TTC38: variants seen among roughly 807,000 people sequenced by gnomAD.
TTC38 encodes the protein tetratricopeptide repeat protein 38.
In TTC38, 64 loss-of-function variants were observed where a neutral mutation model predicts 64.2. The observed-to-expected ratio is 1.00, with a 90% CI of 0.81 to 1.23. The LOEUF (loss-of-function observed/expected upper bound fraction) is 1.23, where lower values mean the gene tolerates loss of function less well. TTC38 is among the 50% of genes most tolerant of loss of function. The pLI, the probability that TTC38 is intolerant of heterozygous loss-of-function variation, is 0.00. For missense variants in TTC38, 573 were observed against 615.5 expected, an observed-to-expected ratio of 0.93 and a Z score of 0.73; for synonymous variants, 254 against 249.3, an observed-to-expected ratio of 1.02 and a Z score of -0.18.
chr22:46,282,345 G>A lies in TTC38; in HGVS notation c.735+627G>A, dbSNP rs2077541273. ...CCCTCTTTCCAGGGGAGGCAAGGTG[G>A]TGTCCAGGCAGAGGCAGAAACGCCT... On this transcript the variant is annotated intron_variant, in intron 7 of 13. Coordinates refer to ENST00000381031, the MANE Select transcript of TTC38 (RefSeq NM_017931.4). This position sits in a 1 kb window ranked among gnomAD's most constrained non-coding sequence, Gnocchi z 4.4. 6.6e-6 allele frequency among the ~76,000 whole-genome samples: 1 copy of A among 152,184 alleles called. No homozygotes were observed. The highest frequency in any genetic ancestry group is 1.5e-5 in the Non-Finnish European group (1 of 68,038).
intron 6 of TTC38, among the ~76,000 whole-genome samples, 196 bp downstream of exon 6, chr22:46,278,857 C>T (rs569334955): frequency 6.6e-6 from 1 of 152,328 alleles, no homozygotes; most frequent in African/African-American, 2.4e-5. Context: ...TGTGGCCCCC[C>T]CAAAGTCCCC....
rs1480461244 is a variant in TTC38, at chr22:46,289,474, G to A, written c.1155G>A (p.Glu385=). ...TGCCCCTGTGCCAGGCCCTGGTGGA[G>A]GCTGAGGACGGGAACCCTGACCGCG... ...VGLPLCQALV[E]AEDGNPDRVL... The change falls in exon 12 of 14, where the codon GAG becomes GAA. Residue 385 remains glutamate, a synonymous_variant. Coordinates refer to ENST00000381031, the MANE Select transcript of TTC38 (RefSeq NM_017931.4). 6.2e-7 allele frequency: 1 copy of A among 1,609,300 alleles called. No individual in the cohort carries two copies. Among genetic ancestry groups the A allele is most frequent in the East Asian group, 2.2e-5 (1 of 44,860 alleles).
intron 6 of TTC38, among the ~76,000 whole-genome samples, chr22:46,279,745 G>A (rs767837505): frequency 2.6e-5 from 4 of 152,172 alleles, no homozygotes; most frequent in Non-Finnish European, 2.9e-5. Context: ...TGGGGGACCC[G>A]AGTGGCTTTC....
chr22:46,275,526 C>A lies in TTC38; in HGVS notation c.539+105C>A. ...CCCTGTCCTAAAAATAATGGGACCA[C>A]TGTTGCTATTCTCCTAGTTCCTTAA... is the stretch of plus-strand genomic sequence containing the variant. On this transcript the variant is annotated intron_variant, in intron 5 of 13. Transcript: ENST00000381031. This position sits in a 1 kb window ranked among gnomAD's most constrained non-coding sequence, Gnocchi z 4.5. 8.6e-7 allele frequency: 1 copy of A among 1,158,736 alleles called. No individual in the cohort carries two copies. The highest frequency in any genetic ancestry group is 1.2e-6 in the Non-Finnish European group (1 of 818,852). 71.8% of individuals were successfully genotyped at this position (1,158,736 alleles called of 1,614,324 possible).
At position 46,292,668 on chromosome 22, in the gene TTC38, C is replaced by T; in HGVS notation, c.1317-123C>T. 1.2e-6 allele frequency: 1 copy of T among 866,932 alleles called. No individual in the cohort carries two copies. The highest frequency in any genetic ancestry group is 1.9e-5 in the Admixed American group (1 of 52,834). The allele number at this position is 866,932 out of a possible 1,614,324, so 53.7% of individuals were successfully genotyped here. On this transcript the variant is annotated intron_variant, in intron 13 of 13. Transcript: ENST00000381031. This position sits in a 1 kb window ranked among gnomAD's most constrained non-coding sequence, Gnocchi z 6.5. ...AGGCCTCCTGCCCCTGGGCCTTGGC[C>T]CTTGCTGTTCCCTCAGTGCCGCAGT...
chr22:46,269,216 C>T (rs1459146680), intron 2 of TTC38: 1 of 339,164 alleles, frequency 2.9e-6, no homozygotes, highest in Admixed American at 4.3e-5. Flanking sequence ...CCCGGGCCTC[C>T]CATTGTGGCC....
At chr22:46,283,928 G>A (rs1415130489) in intron 7 of TTC38, 45 bp from the exon 8 acceptor site, 9 of 1,366,242 alleles carry the variant, frequency 6.6e-6, no homozygotes, top group Non-Finnish European at 6.0e-6. Flanking sequence ...TTTTCCCATA[G>A]GCCTTCAGAC....
Position 46,273,808 on chromosome 22 carries a change from G to T in TTC38, c.194-90G>T, listed in dbSNP as rs534207149. On this transcript the variant is annotated intron_variant, in intron 3 of 13. Transcript: ENST00000381031. This position sits in a 1 kb window ranked among gnomAD's most constrained non-coding sequence, Gnocchi z 5.1. ...CTGCCTGGCTGGCCCCTCCTGGGAC[G>T]TGGGGTGTCTCTGTGACATGTGGAG... is the stretch of plus-strand genomic sequence containing the variant. 1 of 1,376,482 alleles carries T rather than the reference G, an allele frequency of 7.3e-7. No individual in the cohort carries two copies. Among genetic ancestry groups the T allele is most frequent in the South Asian group, 1.3e-5 (1 of 77,842 alleles). 85.3% of individuals were successfully genotyped at this position (1,376,482 alleles called of 1,614,324 possible).
At chr22:46,289,769 G>C (rs1601886452) in intron 12 of TTC38, 57 bp from the exon 13 acceptor site, 1 of 1,590,628 alleles carries the variant, frequency 6.3e-7, no homozygotes. Flanking sequence ...GGTGGGCGGG[G>C]GCTCGCCTCC....
In TTC38 at chr22:46,285,243, C is replaced by A. The variant is rs749513954; in HGVS notation, c.798C>A (p.Gly266=). Residue 266 remains glycine, a splice_region_variant and synonymous_variant, in exon 9 of 14, where the codon GGC becomes GGA. Transcript: ENST00000381031. The part of the protein sequence containing the change: ...WHWALYLIEK[G]EYEAALTIYD... ...TAAGGAGAACTTTATTCTTCCAGGG[C>A]GAATATGAGGCCGCGCTGACCATCT... 19 of 1,613,940 alleles carry A rather than the reference C, an allele frequency of 1.2e-5. No individual in the cohort carries two copies. The East Asian group carries it at 4.0e-4, about 34-fold the overall frequency.
intron 11 of TTC38, among the ~76,000 whole-genome samples, chr22:46,288,852 C>T (rs1030907900): frequency 6.6e-6 from 1 of 152,206 alleles, no homozygotes; most frequent in African/African-American, 2.4e-5. Context: ...GTATGAGATC[C>T]GCAGGGTCAC....
In TTC38 at chr22:46,273,767, A is replaced by G; in HGVS notation, c.194-131A>G. 1 of 828,940 alleles carries G rather than the reference A, an allele frequency of 1.2e-6. No individual in the cohort carries two copies. Among genetic ancestry groups the G allele is most frequent in the Non-Finnish European group, 1.9e-6 (1 of 530,056 alleles). 51.3% of individuals were successfully genotyped at this position (828,940 alleles called of 1,614,324 possible). The stretch of plus-strand genomic sequence containing the variant: ...AGTTCTAGACAGTAGGCAGGGCCAC[A>G]GTGCCCAGCCTGCTGCTGCCTGGCT... On this transcript the variant is annotated intron_variant, in intron 3 of 13. Transcript: ENST00000381031. This position sits in a 1 kb window ranked among gnomAD's most constrained non-coding sequence, Gnocchi z 5.1.
chr22:46,270,587 C>A lies in TTC38; in HGVS notation c.112-1748C>A, dbSNP rs905086680. On this transcript the variant is annotated intron_variant, in intron 2 of 13. Coordinates refer to ENST00000381031, the MANE Select transcript of TTC38 (RefSeq NM_017931.4). This position sits in a 1 kb window ranked among gnomAD's most constrained non-coding sequence, Gnocchi z 4.7. Reference sequence around the variant, plus strand: ...GTGACTCACGCCTGTAATCCCAGCACTTTGGGAGGCTGAGGCAGGTGGATC... The same window carrying A: ...GTGACTCACGCCTGTAATCCCAGCAATTTGGGAGGCTGAGGCAGGTGGATC... Among the ~76,000 whole-genome samples, 2 of 151,310 alleles carry A rather than the reference C, an allele frequency of 1.3e-5. No individual in the cohort carries two copies. The highest frequency in any genetic ancestry group is 3.3e-3 in the Middle Eastern group (1 of 304).
chr22:46,277,015 A>G (rs942050820), intron 5 of TTC38, among the ~76,000 whole-genome samples: 3 of 146,198 alleles, frequency 2.1e-5, no homozygotes, highest in South Asian at 2.1e-4. Flanking sequence ...TGAGGATTAA[A>G]TGACCCCAGT....
chr22:46,292,724 A>T lies in TTC38; in HGVS notation c.1317-67A>T. 1.4e-6 allele frequency: 2 copies of T among 1,406,758 alleles called. No homozygotes were observed. 87.1% of individuals were successfully genotyped at this position (1,406,758 alleles called of 1,614,324 possible). A position where few individuals can be genotyped will look rare whatever the true frequency, so the allele number is the denominator to read the frequency against. ...CTGCCTGTGTTCTGCCTTGGGACCA[A>T]GGGACCACCAGGCCCCACATCCCTC... On this transcript the variant is annotated intron_variant, in intron 13 of 13. Coordinates refer to ENST00000381031, the MANE Select transcript of TTC38 (RefSeq NM_017931.4). This position sits in a 1 kb window ranked among gnomAD's most constrained non-coding sequence, Gnocchi z 6.5.
intron 2 of TTC38, chr22:46,268,829 C>T: frequency 1.1e-5 from 5 of 473,246 alleles, no homozygotes; most frequent in East Asian, 4.1e-5. Flanking sequence ...GGACTACAGG[C>T]GCCCGCCACT....
Position 46,289,433 on chromosome 22 carries a change from GC to G in TTC38, c.1117del (p.Arg373GlufsTer50). 1 of 1,609,592 alleles carries G rather than the reference GC, an allele frequency of 6.2e-7. No individual in the cohort carries two copies. Among genetic ancestry groups the G allele is most frequent in the Non-Finnish European group, 8.5e-7 (1 of 1,179,786 alleles). Reference sequence around the variant, plus strand: ...AGGGGAGAACTGCCAGCACCTCCTGGCCCGAGACGTGGGGCTGCCCCTGTGC... The same window carrying G: ...AGGGGAGAACTGCCAGCACCTCCTGGCCGAGACGTGGGGCTGCCCCTGTGC... Reference protein sequence around the residue: ...SPGENCQHLLARDVGLPLCQA... With the variant: ...SPGENCQHLLXRDVGLPLCQA... On this transcript the variant is annotated frameshift_variant, in exon 12 of 14. Transcript: ENST00000381031. LOFTEE classifies it high-confidence loss of function.
rs1428854451 is a variant in TTC38 at position 46,270,816 on chromosome 22, AG to A, written c.112-1516del. ...GCCACTGCCTTCCAGCCTGGGTGAC[AG>A]GGCAAGACTCCATCTCAAAAAAGAA... On this transcript the variant is annotated intron_variant, in intron 2 of 13. Transcript: ENST00000381031. The surrounding 1 kb of genome is among the most constrained non-coding windows in gnomAD (Gnocchi z 4.7). Among the ~76,000 whole-genome samples the A allele has an allele frequency of 2.0e-5, 3 of 152,118 alleles. No individual in the cohort carries two copies. Among genetic ancestry groups the A allele is most frequent in the Admixed American group, 6.6e-5 (1 of 15,256 alleles).
In TTC38 at chr22:46,272,749, G is replaced by A. The variant is rs183950137; in HGVS notation, c.193+333G>A. On this transcript the variant is annotated intron_variant, in intron 3 of 13. Transcript: ENST00000381031. The surrounding 1 kb of genome is among the most constrained non-coding windows in gnomAD (Gnocchi z 6.4). Reference sequence around the variant, plus strand: ...TGTACTTAAAGCCACCCAGCTGGTGGTTGACCCCTGGGATTAGATAAAGCT... The same window carrying A: ...TGTACTTAAAGCCACCCAGCTGGTGATTGACCCCTGGGATTAGATAAAGCT... 4.0e-4 allele frequency among the ~76,000 whole-genome samples: 61 copies of A among 152,298 alleles called. No homozygotes were observed. The highest frequency in any genetic ancestry group is 3.4e-3 in the Admixed American group (52 of 15,292).
Sources: gnomAD v4.1 joint callset for allele counts (sites outside exome capture counted in the v4.1 genomes callset) on GRCh38, gnomAD v4.1.1 for gene constraint, Gnocchi (gnomAD v3.1) non-coding constraint, MANE v1.5 for transcripts, NCBI Gene and HGNC (gene_info 2026-07-23, HGNC 2026-07-21) for gene names.